Variants in DHRS7B observed in about 807,000 individuals in gnomAD.
DHRS7B encodes peroxisomal reductase activating PPAR-gamma.
In DHRS7B, 24 loss-of-function variants were observed where a neutral mutation model predicts 26.4. The observed-to-expected ratio is 0.91, with a 90% confidence interval of 0.66 to 1.28. The LOEUF (loss-of-function observed/expected upper bound fraction) is 1.28. Among genes scored for constraint, DHRS7B ranks in the 50% most tolerant of loss-of-function variants. The probability of loss-of-function intolerance (pLI) is 0.00; values close to 1 mark genes in which losing one functional copy is unlikely to be tolerated. For synonymous variants in DHRS7B, 142 were observed against 166.4 expected (o/e 0.85, Z 1.13); for missense variants, 368 against 419.4 (o/e 0.88, Z 1.07).
chr17:21,138,066 T>TTAAAAAAAAA (rs71357468), intron 1 of DHRS7B, among the ~76,000 whole-genome samples: 4 of 35,232 alleles, frequency 1.1e-4, no homozygotes, highest in South Asian at 1.4e-3. Flanking sequence ...CGGCCTCTTT[T>TTAAAAAAAAA]AAAAAAAAAA....
At chr17:21,169,415 A>G (rs1361743251) in intron 1 of DHRS7B, among the ~76,000 whole-genome samples, 1 of 152,138 alleles carries the variant, frequency 6.6e-6, no homozygotes, top group African/African-American at 2.4e-5. Context: ...CTCTGTGTAC[A>G]GATGAATTCA....
chr17:21,171,757 G>A (rs1017797461), intron 1 of DHRS7B: 2 of 589,230 alleles, frequency 3.4e-6, no homozygotes, highest in Non-Finnish European at 6.2e-6. Context: ...TAGGCTGAAT[G>A]GCAATCTCCG....
Position 21,138,103 on chromosome 17 carries a change from C to T in DHRS7B, c.20+11112C>T, listed in dbSNP as rs11651932. On this transcript the variant is annotated intron_variant, in intron 1 of 6. Transcript: ENST00000395511. The stretch of plus-strand genomic sequence containing the variant: ...ATATATATATATATATATATATATA[C>T]ACACACACACACACACACACACACA... 3.7e-3 allele frequency among the ~76,000 whole-genome samples: 474 copies of T among 128,506 alleles called. 5 individuals are homozygous for T. Among genetic ancestry groups the T allele is most frequent in the African/African-American group, 0.013 (425 of 33,620 alleles). 84.3% of individuals were successfully genotyped at this position (128,506 alleles called of 152,430 possible). A position where few individuals can be genotyped will look rare whatever the true frequency, so the allele number is the denominator to read the frequency against.
intron 1 of DHRS7B, among the ~76,000 whole-genome samples, chr17:21,140,535 CA>C (rs1442445092): frequency 1.6e-3 from 234 of 149,764 alleles, no homozygotes; most frequent in Middle Eastern, 7.0e-3. Context: ...CACACACACA[CA>C]CACCCTGACA....
chr17:21,178,127 C>T, intron 2 of DHRS7B, 106 bp from the exon 3 acceptor site: 1 of 1,108,040 alleles, frequency 9.0e-7, no homozygotes, highest in Non-Finnish European at 1.3e-6. Context: ...CAGGGGCCAA[C>T]ACAGACCTGT....
chr17:21,132,256 T>C (rs533146789), intron 1 of DHRS7B, among the ~76,000 whole-genome samples: 20 of 151,634 alleles, frequency 1.3e-4, no homozygotes, highest in African/African-American at 4.6e-4. Flanking sequence ...ATCCCAGCAC[T>C]TTAGGAGGCC....
intron 2 of DHRS7B, among the ~76,000 whole-genome samples, chr17:21,176,590 G>C (rs1597753970): frequency 1.3e-5 from 2 of 151,974 alleles, no homozygotes; most frequent in African/African-American, 4.8e-5. Flanking sequence ...AACAGAGTAA[G>C]ACCCTGTCTC....
At chr17:21,177,801 C>T (rs1229902254) in intron 2 of DHRS7B, among the ~76,000 whole-genome samples, 3 of 152,220 alleles carry the variant, frequency 2.0e-5, no homozygotes, top group African/African-American at 7.2e-5. Flanking sequence ...GTGAGTATTT[C>T]CAGGAGAGCT....
At chr17:21,133,057 C>T (rs1352038022) in intron 1 of DHRS7B, among the ~76,000 whole-genome samples, 3 of 152,120 alleles carry the variant, frequency 2.0e-5, no homozygotes, top group African/African-American at 4.8e-5. Context: ...TACCTACCTC[C>T]GGATTGCTGT....
chr17:21,134,568 G>A (rs1030930727), intron 1 of DHRS7B, among the ~76,000 whole-genome samples: 2 of 152,258 alleles, frequency 1.3e-5, no homozygotes, highest in African/African-American at 4.8e-5. Context: ...TATATGTCAC[G>A]TTTGATTCCT....
intron 1 of DHRS7B, among the ~76,000 whole-genome samples, chr17:21,136,746 G>A (rs1973352373): frequency 6.6e-6 from 1 of 151,798 alleles, no homozygotes. Flanking sequence ...AGTAGAGACA[G>A]GGTTTCACCA....
intron 1 of DHRS7B, chr17:21,127,379 G>A (rs929754640): frequency 4.7e-6 from 1 of 213,194 alleles, no homozygotes; most frequent in Non-Finnish European, 9.3e-6. Context: ...TCTGCGAGTG[G>A]CAGGACCGAG....
intron 1 of DHRS7B, among the ~76,000 whole-genome samples, chr17:21,166,644 T>C (rs1401118686): frequency 6.6e-6 from 1 of 152,182 alleles, no homozygotes; most frequent in Non-Finnish European, 1.5e-5. Flanking sequence ...CCATAGTTTA[T>C]GTCACCTTAA....
intron 1 of DHRS7B, among the ~76,000 whole-genome samples, chr17:21,130,493 G>C (rs1278764373): frequency 6.6e-6 from 1 of 152,112 alleles, no homozygotes; most frequent in Admixed American, 6.5e-5. Context: ...GGGTTTTACT[G>C]TATTTACTGG....
rs1973112810 is a variant in DHRS7B at position 21,126,991 on chromosome 17, G to A, written c.20G>A (p.Arg7Lys). The A allele has an allele frequency of 6.5e-7, 1 of 1,527,590 alleles. No homozygotes were observed. The highest frequency in any genetic ancestry group is 8.8e-7 in the Non-Finnish European group (1 of 1,137,458). 94.6% of individuals were successfully genotyped at this position (1,527,590 alleles called of 1,614,324 possible). Reference sequence around the variant, plus strand: ...TTGACTATGGTCTCTCCGGCTACCAGGTAGGGGCTGGGGAAGAAGGAACCT... The same window carrying A: ...TTGACTATGGTCTCTCCGGCTACCAAGTAGGGGCTGGGGAAGAAGGAACCT... MVSPAT[R>K]KSLPKVKAMD... Residue 7 changes from arginine to lysine, a missense_variant and splice_region_variant, in exon 1 of 7, where the codon AGG becomes AAG. Arg to Lys is a conservative substitution (Grantham distance 26). Transcript: ENST00000395511.
intron 2 of DHRS7B, among the ~76,000 whole-genome samples, chr17:21,175,275 C>T (rs1274691694): frequency 1.3e-5 from 2 of 152,202 alleles, no homozygotes; most frequent in Non-Finnish European, 2.9e-5. Flanking sequence ...GTTTTGAACC[C>T]ATCTAGCTTT....
chr17:21,170,923 T>C (rs748622214), intron 1 of DHRS7B, among the ~76,000 whole-genome samples: 14 of 152,160 alleles, frequency 9.2e-5, no homozygotes, highest in Non-Finnish European at 1.6e-4. Flanking sequence ...TTTTACATTA[T>C]TGCTCCAAGC....
intron 1 of DHRS7B, among the ~76,000 whole-genome samples, chr17:21,144,363 A>C (rs550049567): frequency 2.4e-4 from 36 of 152,354 alleles, no homozygotes; most frequent in African/African-American, 8.4e-4. Flanking sequence ...AATGGTGGCA[A>C]CATTTTTACT....
intron 1 of DHRS7B, chr17:21,128,629 G>T (rs1045524151): frequency 6.6e-6 from 1 of 151,732 alleles, no homozygotes; most frequent in African/African-American, 2.4e-5. Flanking sequence ...GCTCCGGATG[G>T]CGGAGCTTGC....
Sources: gnomAD v4.1 joint callset for allele counts (sites outside exome capture counted in the v4.1 genomes callset) on GRCh38, gnomAD v4.1.1 for gene constraint, MANE v1.5 for transcripts, NCBI Gene and HGNC (gene_info 2026-07-23, HGNC 2026-07-21) for gene names.